AGFG1: variants seen among roughly 807,000 people sequenced by gnomAD.
The protein encoded by AGFG1 is arf-GAP domain and FG repeat-containing protein 1.
Under a neutral mutation model 60.6 loss-of-function variants are expected in AGFG1, and 10 were observed. The ratio of observed to expected loss-of-function variants is 0.16; its 90% CI spans 0.10 to 0.28. AGFG1 has a LOEUF of 0.28. Ranked by LOEUF, AGFG1 falls within the 10% of genes least tolerant of loss-of-function variation. The pLI is 1.00. For missense variants in AGFG1, 537 were observed against 676.5 expected, an observed-to-expected ratio of 0.79 and a Z score of 2.29; for synonymous variants, 247 against 242.9, an observed-to-expected ratio of 1.02 and a Z score of -0.16.
In AGFG1 at chr2:227,491,648, GTT is replaced by G. The variant is rs11289047; in HGVS notation, c.261+22_261+23del. The stretch of plus-strand genomic sequence containing the variant: ...CAAAAACATGGAAATGAAGTAAGTG[GTT>G]TTTTTTTTTTTTTGCAATTTTTGAC... On this transcript the variant is annotated intron_variant, in intron 2 of 12. Transcript: ENST00000310078. The G allele has an allele frequency of 0.059, 66,075 of 1,120,494 alleles. No homozygotes were observed. Among genetic ancestry groups the G allele is most frequent in the South Asian group, 0.078 (3,898 of 49,902 alleles). 69.4% of individuals were successfully genotyped at this position (1,120,494 alleles called of 1,614,324 possible).
intron 9 of AGFG1, 27 bp from the exon 10 acceptor site, chr2:227,536,874 T>A (rs1692330642): frequency 6.3e-7 from 1 of 1,593,034 alleles, no homozygotes; most frequent in African/African-American, 1.4e-5. Context: ...ATTAGGATTT[T>A]ATAGTGTATT....
chr2:227,556,240 T>A lies in AGFG1; in HGVS notation c.*1745T>A, dbSNP rs965821581. On this transcript the variant is annotated 3_prime_UTR_variant, in exon 13 of 13. Transcript: ENST00000310078. ...AAACATTTTATTCATGTTGAATGCC[T>A]TTTTGCAATGATGACTGAGTTGTTA... The A allele has an allele frequency of 7.9e-5, 12 of 152,246 alleles. No homozygotes were observed. The highest frequency in any genetic ancestry group is 2.9e-4 in the African/African-American group (12 of 41,456). 9.4% of individuals were successfully genotyped at this position (152,246 alleles called of 1,614,324 possible).
At chr2:227,527,422 G>A (rs1692031359) in intron 5 of AGFG1, among the ~76,000 whole-genome samples, 1 of 152,060 alleles carries the variant, frequency 6.6e-6, no homozygotes, top group Non-Finnish European at 1.5e-5. Context: ...TAAGAAAAAG[G>A]ATCATACTTT....
chr2:227,472,612 G>T, intron 1 of AGFG1, 24 bp downstream of exon 1: 2 of 1,555,594 alleles, frequency 1.3e-6, no homozygotes, highest in Non-Finnish European at 8.7e-7. Context: ...GGCCGGGCGG[G>T]TGTCGGGCCC....
At chr2:227,494,464 G>T (rs1458636230) in intron 2 of AGFG1, among the ~76,000 whole-genome samples, 1 of 152,172 alleles carries the variant, frequency 6.6e-6, no homozygotes, top group African/African-American at 2.4e-5. Context: ...GTTCATGCCT[G>T]AAGATGAGTA....
intron 5 of AGFG1, among the ~76,000 whole-genome samples, chr2:227,529,923 A>T (rs1311552295): frequency 2.6e-5 from 4 of 151,360 alleles, no homozygotes; most frequent in Admixed American, 2.6e-4. Context: ...CTTTTTGTTT[A>T]TTGTGAAGTG....
intron 4 of AGFG1, 115 bp downstream of exon 4, chr2:227,524,040 C>A: frequency 9.6e-7 from 1 of 1,043,388 alleles, no homozygotes; most frequent in African/African-American, 1.6e-5. Flanking sequence ...GCATTATGTT[C>A]CAATGGTTTG....
chr2:227,497,745 T>TTTTTTTTTTTTTTTTTTTTTTTTTTTG (rs1559173541), intron 2 of AGFG1, among the ~76,000 whole-genome samples: 1 of 134,942 alleles, frequency 7.4e-6, no homozygotes, highest in Non-Finnish European at 1.6e-5. Context: ...GTTTTTTTTT[T>TTTTTTTTTTTTTTTTTTTTTTTTTTTG]TTTTTTTTTT....
intron 10 of AGFG1, among the ~76,000 whole-genome samples, chr2:227,539,496 T>C (rs553249077): frequency 6.6e-6 from 1 of 150,824 alleles, no homozygotes; most frequent in African/African-American, 2.4e-5. Flanking sequence ...TGAGGTACCC[T>C]TTGATCCTAG....
intron 6 of AGFG1, 142 bp from the exon 7 acceptor site, chr2:227,533,407 C>G: frequency 1.3e-6 from 1 of 770,098 alleles, no homozygotes; most frequent in Non-Finnish European, 2.0e-6. Flanking sequence ...CACTTGTAGT[C>G]AAAAGCCATT....
intron 2 of AGFG1, among the ~76,000 whole-genome samples, chr2:227,512,944 C>G (rs954110949): frequency 1.3e-5 from 2 of 152,164 alleles, no homozygotes; most frequent in Non-Finnish European, 2.9e-5. Context: ...TCTCTAAATT[C>G]CAGATCCTCT....
intron 2 of AGFG1, among the ~76,000 whole-genome samples, chr2:227,491,975 ATGT>A (rs1236913525): frequency 7.2e-5 from 11 of 152,116 alleles, no homozygotes; most frequent in Non-Finnish European, 1.2e-4. Context: ...TCATTTTGTG[ATGT>A]TGTGTTAAAC....
At chr2:227,505,570 T>A (rs946670595) in intron 2 of AGFG1, among the ~76,000 whole-genome samples, 5 of 152,186 alleles carry the variant, frequency 3.3e-5, no homozygotes, top group Non-Finnish European at 7.3e-5. Flanking sequence ...ACTCTTCTGT[T>A]ATCTCTAAGC....
At chr2:227,546,814 CTCCTT>C (rs1477987615) in intron 10 of AGFG1, among the ~76,000 whole-genome samples, 1 of 152,086 alleles carries the variant, frequency 6.6e-6, no homozygotes, top group Non-Finnish European at 1.5e-5. Context: ...TCTTAGGTCT[CTCCTT>C]TGTCACTGAA....
intron 1 of AGFG1, among the ~76,000 whole-genome samples, 167 bp downstream of exon 1, chr2:227,472,755 C>G (rs999828979): frequency 3.3e-5 from 5 of 150,676 alleles, no homozygotes; most frequent in African/African-American, 1.2e-4. Context: ...AGGCTGCGGG[C>G]TGGATGCGCA....
chr2:227,549,128 A>T (rs1191220441), intron 10 of AGFG1, among the ~76,000 whole-genome samples: 1 of 152,118 alleles, frequency 6.6e-6, no homozygotes, highest in South Asian at 2.1e-4. Flanking sequence ...TCTTCACAGC[A>T]GCTTTGTGAA....
intron 8 of AGFG1, among the ~76,000 whole-genome samples, chr2:227,535,645 C>CAAT (rs1443049883): frequency 6.6e-6 from 1 of 152,116 alleles, no homozygotes; most frequent in Admixed American, 6.6e-5. Context: ...AAGAGATTTA[C>CAAT]CTATAACAAT....
chr2:227,539,521 G>A lies in AGFG1; in HGVS notation c.1378+2528G>A, dbSNP rs117794412. On this transcript the variant is annotated intron_variant, in intron 10 of 12. Coordinates refer to ENST00000310078, the MANE Select transcript of AGFG1 (RefSeq NM_004504.5). Reference sequence around the variant, plus strand: ...TTTGATCCTAGCACTTTGGGATGCCGAGGTAGGTGGGTTGCTTGAAGCCCA... The same window carrying A: ...TTTGATCCTAGCACTTTGGGATGCCAAGGTAGGTGGGTTGCTTGAAGCCCA... Among the ~76,000 whole-genome samples the A allele has an allele frequency of 8.2e-3, 1,241 of 151,534 alleles. 42 individuals carry two copies. In the East Asian group the frequency reaches 0.087, roughly 11 times the overall value.
At chr2:227,508,277 C>G (rs1691386456) in intron 2 of AGFG1, 1 of 184,100 alleles carries the variant, frequency 5.4e-6, no homozygotes, top group East Asian at 1.3e-4. Context: ...TGATTGAGTC[C>G]TAGATTGAAC....
Sources: gnomAD v4.1 joint callset for allele counts (sites outside exome capture counted in the v4.1 genomes callset) on GRCh38, gnomAD v4.1.1 for gene constraint, MANE v1.5 for transcripts, NCBI Gene and HGNC (gene_info 2026-07-23, HGNC 2026-07-21) for gene names.